FAT3: variants seen among roughly 807,000 people sequenced by gnomAD.
FAT3 encodes FAT atypical cadherin 3, also known as protocadherin Fat 3.
In FAT3, 95 loss-of-function variants were observed where a neutral mutation model predicts 310.2. The ratio of observed to expected loss-of-function variants is 0.31; its 90% CI spans 0.26 to 0.36. FAT3 has a LOEUF of 0.36. Ranked by LOEUF, FAT3 falls within the 10% of genes least tolerant of loss-of-function variation. The probability of loss-of-function intolerance (pLI) is 1.00; values close to 1 mark genes in which losing one functional copy is unlikely to be tolerated. For missense variants in FAT3, 5,408 were observed against 5,715.6 expected (o/e 0.95, Z 1.74); for synonymous variants, 2,314 against 2,192.9 (o/e 1.06, Z -1.54).
At chr11:92,831,229 G>C (rs12279107) in intron 13 of FAT3, among the ~76,000 whole-genome samples, 2,060 of 152,234 alleles carry the variant, frequency 0.014, 52 homozygotes, top group African/African-American at 0.046. Flanking sequence ...GAAAGTGCCT[G>C]GTAGATTCTA....
Position 92,349,677 on chromosome 11 carries a change from C to A in FAT3, c.-17-2419C>A, listed in dbSNP as rs563922186. On this transcript the variant is annotated intron_variant, in intron 1 of 27. Coordinates refer to ENST00000525166, the MANE Select transcript of FAT3 (RefSeq NM_001367949.2). ...CTGACTTGGTCCCTGCCCTAGTTAC[C>A]AGAGCTGCTGTCCACAGGCTGCCTG... is the stretch of plus-strand genomic sequence containing the variant. Among the ~76,000 whole-genome samples, 226 of 152,274 alleles carry A rather than the reference C, an allele frequency of 1.5e-3. 1 individual carries two copies. Among genetic ancestry groups the A allele is most frequent in the African/African-American group, 5.3e-3 (219 of 41,560 alleles).
intron 3 of FAT3, among the ~76,000 whole-genome samples, chr11:92,673,433 T>C (rs939799128): frequency 3.3e-5 from 5 of 152,160 alleles, no homozygotes; most frequent in African/African-American, 1.2e-4. Flanking sequence ...TTTAGATAAC[T>C]CATGGTAGAG....
chr11:92,849,633 G>A (rs1382401014), intron 19 of FAT3, among the ~76,000 whole-genome samples: 1 of 152,218 alleles, frequency 6.6e-6, no homozygotes, highest in African/African-American at 2.4e-5. Context: ...TTGGGGCACG[G>A]AGGAAGCATA....
intron 2 of FAT3, among the ~76,000 whole-genome samples, chr11:92,399,305 T>C (rs1053438754): frequency 6.6e-6 from 1 of 152,166 alleles, no homozygotes; most frequent in Non-Finnish European, 1.5e-5. Flanking sequence ...AGTTTCTTTA[T>C]AATGGAGTGA....
chr11:92,691,574 T>A (rs975529821), intron 3 of FAT3, among the ~76,000 whole-genome samples: 9 of 151,916 alleles, frequency 5.9e-5, no homozygotes, highest in African/African-American at 1.9e-4. Context: ...AGAGATAGGG[T>A]CTTACCATGT....
intron 2 of FAT3, among the ~76,000 whole-genome samples, chr11:92,405,744 C>G (rs766551053): frequency 6.6e-6 from 1 of 151,770 alleles, no homozygotes; most frequent in African/African-American, 2.4e-5. Context: ...GAAGCAAGAC[C>G]CCGTCTCACA....
intron 2 of FAT3, among the ~76,000 whole-genome samples, chr11:92,449,665 C>T (rs1269733240): frequency 6.6e-6 from 1 of 152,160 alleles, no homozygotes. Context: ...AGGTTACACA[C>T]ATCCTTAGCA....
At chr11:92,862,953 T>A (rs1949156414) in intron 21 of FAT3, among the ~76,000 whole-genome samples, 1 of 152,038 alleles carries the variant, frequency 6.6e-6, no homozygotes, top group South Asian at 2.1e-4. Flanking sequence ...GGAGAGCAAG[T>A]TGGGAGTTAG....
chr11:92,636,797 A>G (rs761920378), intron 3 of FAT3, among the ~76,000 whole-genome samples: 8 of 152,220 alleles, frequency 5.3e-5, no homozygotes, highest in Admixed American at 3.3e-4. Flanking sequence ...AGGAACCATG[A>G]CAATCCAGCT....
intron 3 of FAT3, among the ~76,000 whole-genome samples, chr11:92,674,559 G>A (rs550539726): frequency 6.8e-4 from 104 of 151,938 alleles, no homozygotes; most frequent in Admixed American, 3.3e-3. Flanking sequence ...GTCTCACTCT[G>A]TTGCCCAAGC....
At chr11:92,723,856 C>T (rs574502043) in intron 4 of FAT3, among the ~76,000 whole-genome samples, 38 of 152,276 alleles carry the variant, frequency 2.5e-4, no homozygotes, top group African/African-American at 9.1e-4. Context: ...GTACCTCCCA[C>T]CAGGTCCCTC....
At chr11:92,282,400 C>T (rs1406525897) in intron 1 of FAT3, among the ~76,000 whole-genome samples, 11 of 152,104 alleles carry the variant, frequency 7.2e-5, no homozygotes. Context: ...CGCAGTGTCT[C>T]ATGCCTATAA....
At chr11:92,851,166 A>G (rs1270961348) in intron 19 of FAT3, among the ~76,000 whole-genome samples, 1 of 152,182 alleles carries the variant, frequency 6.6e-6, no homozygotes, top group African/African-American at 2.4e-5. Flanking sequence ...ACAGAATTTC[A>G]TATTTCGTAT....
chr11:92,504,387 A>C (rs900249796), intron 2 of FAT3, among the ~76,000 whole-genome samples: 2 of 152,080 alleles, frequency 1.3e-5, no homozygotes, highest in African/African-American at 4.8e-5. Context: ...TCAGCACTCA[A>C]CTTTGATAGC....
Position 92,806,500 on chromosome 11 carries a change from C to A in FAT3, c.9232C>A (p.Leu3078Ile). Residue 3078 changes from leucine to isoleucine, a missense_variant, in exon 12 of 28, where the codon CTA becomes ATA. Around this residue, in one of 5 missense-constraint regions of FAT3, gnomAD observed 4,588 missense variants for 4,809.8 expected, o/e 0.95. Transcript: ENST00000525166. The stretch of plus-strand genomic sequence containing the variant: ...TGGATCTGGAAACAGTGAATTTTTT[C>A]TAGATCCAGAAAGTGGTAAGCTAAA... Reference protein sequence around the residue: ...LYGSGNSEFFLDPESGELKTL... With the variant: ...LYGSGNSEFFIDPESGELKTL... The A allele has an allele frequency of 6.5e-7, 1 of 1,546,696 alleles. No individual in the cohort carries two copies.
At chr11:92,265,661 G>C (rs1176680352) in intron 1 of FAT3, among the ~76,000 whole-genome samples, 1 of 152,062 alleles carries the variant, frequency 6.6e-6, no homozygotes, top group East Asian at 1.9e-4. Flanking sequence ...AGGCTGGTAA[G>C]TCCAAGGTCA....
At position 92,336,629 on chromosome 11, in the gene FAT3, T is replaced by A. The variant is rs147347614; in HGVS notation, c.-17-15467T>A. The A allele has an allele frequency of 3.9e-5, 6 of 155,664 alleles. No individual in the cohort carries two copies. The East Asian group carries it at 9.6e-4, about 25-fold the overall frequency. 9.6% of individuals were successfully genotyped at this position (155,664 alleles called of 1,614,324 possible). ...TACAAATAATTTATCTGCTTCATGT[T>A]TACTTAGTGGAGAGATCAATATTAT... On this transcript the variant is annotated intron_variant, in intron 1 of 27. Transcript: ENST00000525166.
chr11:92,637,663 T>TTAAG (rs1941815818), intron 3 of FAT3, among the ~76,000 whole-genome samples: 2 of 152,206 alleles, frequency 1.3e-5, no homozygotes, highest in Non-Finnish European at 2.9e-5. Flanking sequence ...AGAACTATAG[T>TTAAG]AACTTCATGA....
intron 2 of FAT3, among the ~76,000 whole-genome samples, chr11:92,447,920 G>T (rs1951259294): frequency 6.6e-6 from 1 of 151,816 alleles, no homozygotes; most frequent in East Asian, 1.9e-4. Context: ...GTGACAAGAA[G>T]GCAGGATCCA....
Sources: allele counts gnomAD v4.1 joint callset (sites outside exome capture counted in the v4.1 genomes callset), GRCh38; gene constraint gnomAD v4.1.1; regional missense constraint gnomAD v4.1.1; transcripts MANE v1.5; gene names NCBI Gene and HGNC (gene_info 2026-07-23, HGNC 2026-07-21).